Variants in AGMO observed in about 807,000 individuals in gnomAD.
AGMO encodes alkylglycerol monooxygenase.
AGMO carries 75 observed loss-of-function variants against 60.2 expected under a neutral mutation model. That is an observed-to-expected ratio of 1.25 (90% CI 1.03 to 1.51). The LOEUF (loss-of-function observed/expected upper bound fraction) is 1.51. Ranked by LOEUF, AGMO falls within the 40% of genes most tolerant of loss-of-function variation. The pLI, the probability that AGMO is intolerant of heterozygous loss-of-function variation, is 0.00. For missense variants in AGMO, 763 were observed against 525.5 expected (o/e 1.45, Z -4.42); for synonymous variants, 261 against 177.1 (o/e 1.47, Z -3.76).
chr7:15,275,648 G>T (rs1783761810), intron 12 of AGMO, among the ~76,000 whole-genome samples: 1 of 151,996 alleles, frequency 6.6e-6, no homozygotes, highest in South Asian at 2.1e-4. Context: ...GGGTGTTAAG[G>T]TCCCCACTGC....
At chr7:15,153,356 T>A in the AGMO span, among the ~76,000 whole-genome samples, 3 of 152,158 alleles carry the variant, frequency 2.0e-5, no homozygotes, top group Non-Finnish European at 2.9e-5. Context: ...TTAAGTTCCA[T>A]ATATTTATCT....
chr7:15,340,497 T>G (rs1004620139), intron 12 of AGMO, among the ~76,000 whole-genome samples: 1 of 152,142 alleles, frequency 6.6e-6, no homozygotes, highest in African/African-American at 2.4e-5. Flanking sequence ...AACAATGGTT[T>G]CCTGGGCTGG....
chr7:15,490,958 A>T (rs572893365), intron 3 of AGMO, among the ~76,000 whole-genome samples: 2 of 152,332 alleles, frequency 1.3e-5, no homozygotes, highest in South Asian at 4.1e-4. Context: ...CTCAAGCATG[A>T]ATATTTTGTT....
chr7:15,176,891 A>G, the AGMO span, among the ~76,000 whole-genome samples: 1 of 152,036 alleles, frequency 6.6e-6, no homozygotes, highest in East Asian at 1.9e-4. Flanking sequence ...ACAGAAGTAT[A>G]AACAATAGTT....
chr7:15,254,731 C>A (rs1360697551), intron 12 of AGMO, among the ~76,000 whole-genome samples: 1 of 149,796 alleles, frequency 6.7e-6, no homozygotes, highest in Non-Finnish European at 1.5e-5. Flanking sequence ...ATAGACAAAC[C>A]TTTAACCAGC....
At chr7:15,548,686 C>A (rs1784860789) in intron 2 of AGMO, among the ~76,000 whole-genome samples, 1 of 152,172 alleles carries the variant, frequency 6.6e-6, no homozygotes. Flanking sequence ...AAATCTACGT[C>A]TGATTGGTGT....
intron 12 of AGMO, among the ~76,000 whole-genome samples, chr7:15,365,180 G>A (rs1045919561): frequency 6.6e-6 from 1 of 151,726 alleles, no homozygotes; most frequent in Non-Finnish European, 1.5e-5. Context: ...CAGAGTCTCT[G>A]CCAAAAACTT....
the AGMO span, among the ~76,000 whole-genome samples, chr7:15,190,748 T>C: frequency 6.6e-6 from 1 of 152,182 alleles, no homozygotes; most frequent in South Asian, 2.1e-4. Flanking sequence ...AGAGTTTTAT[T>C]ACTTTAAAAT....
intron 4 of AGMO, among the ~76,000 whole-genome samples, chr7:15,429,383 G>C (rs1781164007): frequency 6.6e-6 from 1 of 152,020 alleles, no homozygotes; most frequent in African/African-American, 2.4e-5. Context: ...TGTGGACAAA[G>C]AAACAGGAAG....
the AGMO span, among the ~76,000 whole-genome samples, chr7:15,143,713 C>T: frequency 3.5e-5 from 5 of 143,370 alleles, no homozygotes; most frequent in Admixed American, 3.5e-4. Flanking sequence ...TTACTTGAAA[C>T]ACATGTAAAA....
intron 12 of AGMO, among the ~76,000 whole-genome samples, chr7:15,211,834 A>G (rs889115940): frequency 3.3e-5 from 5 of 152,040 alleles, no homozygotes; most frequent in Admixed American, 3.3e-4. Context: ...TTTCTACAAA[A>G]AACAATTTTT....
chr7:15,497,157 T>C (rs1363452641), intron 3 of AGMO, among the ~76,000 whole-genome samples: 1 of 152,138 alleles, frequency 6.6e-6, no homozygotes, highest in Non-Finnish European at 1.5e-5. Flanking sequence ...GAGCAGTGAG[T>C]AATTTTTGAG....
intron 3 of AGMO, among the ~76,000 whole-genome samples, chr7:15,470,267 G>T (rs1477907468): frequency 6.6e-6 from 1 of 151,912 alleles, no homozygotes; most frequent in Non-Finnish European, 1.5e-5. Flanking sequence ...AGAGTTTCTG[G>T]TACACTGCTG....
At chr7:15,454,284 T>C (rs968190007) in intron 3 of AGMO, among the ~76,000 whole-genome samples, 11 of 152,000 alleles carry the variant, frequency 7.2e-5, no homozygotes, top group African/African-American at 2.7e-4. Flanking sequence ...TACTTGAAAT[T>C]TGCTTGCTTT....
chr7:15,150,920 T>C, the AGMO span, among the ~76,000 whole-genome samples: 6 of 152,232 alleles, frequency 3.9e-5, no homozygotes, highest in Admixed American at 3.9e-4. Flanking sequence ...ATATGTCTGG[T>C]AGAATTTGGC....
downstream of AGMO, among the ~76,000 whole-genome samples, chr7:15,195,475 C>CGAA (rs1235993056): frequency 2.0e-5 from 3 of 152,140 alleles, no homozygotes; most frequent in African/African-American, 7.2e-5. Context: ...CATAGTACTG[C>CGAA]GAAGAAGCTT....
chr7:15,349,415 T>C (rs1478996893), intron 12 of AGMO, among the ~76,000 whole-genome samples: 1 of 152,104 alleles, frequency 6.6e-6, no homozygotes, highest in African/African-American at 2.4e-5. Context: ...ACTTTATAGG[T>C]TGAAAGGGCA....
the AGMO span, among the ~76,000 whole-genome samples, chr7:15,138,346 T>G: frequency 6.6e-6 from 1 of 152,222 alleles, no homozygotes; most frequent in Non-Finnish European, 1.5e-5. Flanking sequence ...TACTCTCTCC[T>G]GGATGATTTA....
chr7:15,352,009 T>C (rs1404577264), intron 12 of AGMO, among the ~76,000 whole-genome samples: 1 of 152,218 alleles, frequency 6.6e-6, no homozygotes, highest in Non-Finnish European at 1.5e-5. Context: ...TTAATTCACA[T>C]TATCTTCAGA....
Sources: gnomAD v4.1 joint callset for allele counts (sites outside exome capture counted in the v4.1 genomes callset) on GRCh38, gnomAD v4.1.1 for gene constraint, MANE v1.5 for transcripts, NCBI Gene and HGNC (gene_info 2026-07-23, HGNC 2026-07-21) for gene names.